The following MTMR10 variants were observed in gnomAD, a reference collection of about 807,000 sequenced individuals.
MTMR10 encodes myotubularin related protein 10, also known as myotubularin-related protein 10.
In MTMR10, 56 loss-of-function variants were observed where a neutral mutation model predicts 88.1. The observed-to-expected ratio is 0.64, with a 90% CI of 0.51 to 0.79. The LOEUF is 0.79. MTMR10 is among the 30% of genes least tolerant of loss of function. The probability of loss-of-function intolerance (pLI) is 0.00; values close to 1 mark genes in which losing one functional copy is unlikely to be tolerated. For synonymous variants in MTMR10, 380 were observed against 340.9 expected (o/e 1.11, Z -1.26); for missense variants, 883 against 924.7 (o/e 0.95, Z 0.58).
At chr15:30,924,538 T>G in the MTMR10 span, among the ~76,000 whole-genome samples, 2 of 152,212 alleles carry the variant, frequency 1.3e-5, no homozygotes, top group Non-Finnish European at 2.9e-5. Flanking sequence ...TGTGAAGTGG[T>G]ATCTCCTTGT....
chr15:30,959,248 G>T, intron 7 of MTMR10, 127 bp from the exon 8 acceptor site: 1 of 803,428 alleles, frequency 1.2e-6, no homozygotes, highest in African/African-American at 1.7e-5. Context: ...TAGCCACATG[G>T]TGGGCACCAT....
chr15:30,955,033 TAAGACAGAACCATTGCTTATCTTA>T, intron 9 of MTMR10, 140 bp from the exon 10 acceptor site: 1 of 646,004 alleles, frequency 1.5e-6, no homozygotes, highest in Non-Finnish European at 2.3e-6. Flanking sequence ...TTTTTTTTTT[TAAGACAGAACCATTGCTTATCTTA>T]TTTTTTAGTT....
downstream of MTMR10, among the ~76,000 whole-genome samples, chr15:30,936,756 G>A (rs150953438): frequency 6.5e-4 from 99 of 152,308 alleles, no homozygotes; most frequent in African/African-American, 2.3e-3. Flanking sequence ...TTAGCCTACA[G>A]TTGGGCAGAT....
chr15:30,961,191 T>C, intron 6 of MTMR10, 118 bp from the exon 7 acceptor site: 1 of 1,314,510 alleles, frequency 7.6e-7, no homozygotes, highest in Non-Finnish European at 1.0e-6. Context: ...TGCTTCACCT[T>C]CCAAGTCTCT....
chr15:30,939,234 C>T lies in MTMR10; in HGVS notation c.*2236G>A. ...TTTTGGTTTCAAAATCAGTTTCCAT[C>T]ATAAAATAACAGCAAGACACTGTAC... is the stretch of plus-strand genomic sequence containing the variant. On this transcript the variant is annotated 3_prime_UTR_variant, in exon 16 of 16. Coordinates refer to ENST00000435680, the MANE Select transcript of MTMR10 (RefSeq NM_017762.3). The T allele has an allele frequency of 1.0e-6, 1 of 985,442 alleles. No individual in the cohort carries two copies. The highest frequency in any genetic ancestry group is 1.7e-5 in the African/African-American group (1 of 57,364). 61.0% of individuals were successfully genotyped at this position (985,442 alleles called of 1,614,324 possible).
In MTMR10 at chr15:30,940,430, C is replaced by A. The variant is rs542976793; in HGVS notation, c.*1040G>T. ...CCATTTTTTTATTTCTCCTCTATTC[C>A]TAAGCATTAGGAACTATGAGAGAAG... On this transcript the variant is annotated 3_prime_UTR_variant, in exon 16 of 16. Coordinates refer to ENST00000435680, the MANE Select transcript of MTMR10 (RefSeq NM_017762.3). 1 of 985,416 alleles carries A rather than the reference C, an allele frequency of 1.0e-6. No homozygotes were observed. The allele number at this position is 985,416 out of a possible 1,614,324, so 61.0% of individuals were successfully genotyped here.
In MTMR10 at chr15:30,942,717, C is replaced by G. The variant is rs886764711; in HGVS notation, c.1731+173G>C. The G allele has an allele frequency of 6.1e-6, 4 of 651,662 alleles. No individual in the cohort carries two copies. The African/African-American group carries it at 7.5e-5, about 12-fold the overall frequency. The allele number at this position is 651,662 out of a possible 1,614,324, so 40.4% of individuals were successfully genotyped here. On this transcript the variant is annotated intron_variant, in intron 15 of 15. Transcript: ENST00000435680. Reference sequence around the variant, plus strand: ...ACTGAGACTTTGTGGGCCTCAGACACCAGGAAGAAAGCTGGGATACAGTCA... The same window carrying G: ...ACTGAGACTTTGTGGGCCTCAGACAGCAGGAAGAAAGCTGGGATACAGTCA...
chr15:30,963,620 C>G (rs1322524229), intron 6 of MTMR10, among the ~76,000 whole-genome samples: 2 of 151,756 alleles, frequency 1.3e-5, no homozygotes, highest in African/African-American at 2.4e-5. Context: ...CTGAGCGACA[C>G]AGCGAGACTC....
At chr15:30,929,545 A>G in the MTMR10 span, 1 of 177,558 alleles carries the variant, frequency 5.6e-6, no homozygotes, top group Non-Finnish European at 1.0e-5. Context: ...TATATATCAT[A>G]TATAAAATAT....
At chr15:30,971,617 G>A (rs1002261494) in intron 5 of MTMR10, among the ~76,000 whole-genome samples, 10 of 152,080 alleles carry the variant, frequency 6.6e-5, no homozygotes, top group Non-Finnish European at 1.5e-4. Flanking sequence ...AGAACAAAGT[G>A]GAGACAAAAG....
rs1173866518 is a variant in MTMR10, at chr15:30,943,034, C to T, written c.1587G>A (p.Glu529=). 1.3e-6 allele frequency: 2 copies of T among 1,547,154 alleles called. No individual in the cohort carries two copies. The highest frequency in any genetic ancestry group is 2.0e-5 in the Admixed American group (1 of 49,572). The part of the protein sequence containing the change: ...AISKNIQLGD[E]KGLKFPSVWD... ...AAACAGAGGGGAATTTTAAGCCCTTCTCATCACCCAATTGGATGTTTTTGC... is the reference window on the plus strand; with the variant it reads ...AAACAGAGGGGAATTTTAAGCCCTTTTCATCACCCAATTGGATGTTTTTGC... Residue 529 remains glutamate, a synonymous_variant, in exon 15 of 16, where the codon GAG becomes GAA. Coordinates refer to ENST00000435680, the MANE Select transcript of MTMR10 (RefSeq NM_017762.3).
chr15:30,952,881 C>T (rs751106256), intron 11 of MTMR10, among the ~76,000 whole-genome samples: 6 of 152,134 alleles, frequency 3.9e-5, no homozygotes, highest in Non-Finnish European at 7.3e-5. Context: ...CCTCTGCCTC[C>T]CAGGTTCAAG....
At position 30,979,150 on chromosome 15, in the gene MTMR10, C is replaced by T. The variant is rs557563729; in HGVS notation, c.122-2195G>A. Among the ~76,000 whole-genome samples, 19 of 152,332 alleles carry T rather than the reference C, an allele frequency of 1.2e-4. 1 individual carries two copies. The South Asian group carries it at 1.9e-3, about 15-fold the overall frequency. On this transcript the variant is annotated intron_variant, in intron 2 of 15. Coordinates refer to ENST00000435680, the MANE Select transcript of MTMR10 (RefSeq NM_017762.3). The stretch of plus-strand genomic sequence containing the variant: ...ATGACTTCTTTACACGGAATCATCA[C>T]ATACTGTGCCACCTTAGCAAACTCA...
At chr15:30,925,282 T>C in the MTMR10 span, 6 of 1,613,980 alleles carry the variant, frequency 3.7e-6, no homozygotes, top group Non-Finnish European at 5.1e-6. Flanking sequence ...CTGTGCAAGA[T>C]GTGAAACACG....
chr15:30,942,200 C>T (rs1032565204), intron 15 of MTMR10, 128 bp from the exon 16 acceptor site: 12 of 1,179,922 alleles, frequency 1.0e-5, no homozygotes, highest in Middle Eastern at 2.7e-4. Flanking sequence ...ACATTTTCCT[C>T]CCTTCCTTTG....
chr15:30,947,185 G>A lies in MTMR10; in HGVS notation c.1493C>T (p.Ser498Leu). Residue 498 changes from serine (S) to leucine (L), a missense_variant, in exon 14 of 16, where the codon TCA becomes TTA. Ser to Leu is a moderately radical substitution (Grantham distance 145, BLOSUM62 -2). This residue lies in a region of MTMR10 where 126 missense variants were observed against 178.2 expected (regional missense o/e 0.71). Coordinates refer to ENST00000435680, the MANE Select transcript of MTMR10 (RefSeq NM_017762.3). ...LAVLYDSTRI[S>L]LFGTFLFNSP... The stretch of plus-strand genomic sequence containing the variant: ...GTTGAACAGGAAGGTGCCAAACAGT[G>A]AGATCCGGGTGCTGTCATACAACAC... The A allele has an allele frequency of 6.2e-7, 1 of 1,613,950 alleles. No individual in the cohort carries two copies.
downstream of MTMR10, among the ~76,000 whole-genome samples, chr15:30,937,624 G>T (rs936163426): frequency 1.3e-5 from 2 of 151,446 alleles, no homozygotes; most frequent in Non-Finnish European, 2.9e-5. Flanking sequence ...GCTAAATTTT[G>T]TATTTTTAGT....
chr15:30,986,244 G>A (rs1307406384), intron 2 of MTMR10, among the ~76,000 whole-genome samples: 1 of 152,082 alleles, frequency 6.6e-6, no homozygotes, highest in Non-Finnish European at 1.5e-5. Context: ...TCGAGCCCAG[G>A]AGGTTGAAGC....
At chr15:30,918,904 C>T in the MTMR10 span, among the ~76,000 whole-genome samples, 6 of 152,136 alleles carry the variant, frequency 3.9e-5, no homozygotes, top group African/African-American at 1.4e-4. Context: ...GGGGTACCGA[C>T]CCCTCAGACA....
Sources: allele counts gnomAD v4.1 joint callset (sites outside exome capture counted in the v4.1 genomes callset), GRCh38; gene constraint gnomAD v4.1.1; regional missense constraint gnomAD v4.1.1; transcripts MANE v1.5; gene names NCBI Gene and HGNC (gene_info 2026-07-23, HGNC 2026-07-21).